The following SLC38A7 variants were observed in gnomAD, a reference collection of about 807,000 sequenced individuals.
The protein encoded by SLC38A7 is solute carrier family 38 member 7, also known as sodium-coupled neutral amino acid transporter 7.
SLC38A7 carries 29 observed loss-of-function variants against 50.1 expected under a neutral mutation model. The ratio of observed to expected loss-of-function variants is 0.58; its 90% confidence interval spans 0.43 to 0.79. The LOEUF (loss-of-function observed/expected upper bound fraction) is 0.79, where lower values mean the gene tolerates loss of function less well. SLC38A7 is among the 30% of genes least tolerant of loss of function. The pLI, the probability that SLC38A7 is intolerant of heterozygous loss-of-function variation, is 0.00. For missense variants in SLC38A7, 483 were observed against 610.6 expected (o/e 0.79, Z 2.20); for synonymous variants, 244 against 245.9 (o/e 0.99, Z 0.07).
At chr16:58,676,203 G>A in intron 7 of SLC38A7, 86 bp downstream of exon 7, 1 of 1,588,430 alleles carries the variant, frequency 6.3e-7, no homozygotes, top group African/African-American at 1.3e-5. Context: ...CCTCCATTCT[G>A]CCTGGGTTCC....
At chr16:58,675,434 G>A (rs1200775078) in intron 8 of SLC38A7, 5 of 365,102 alleles carry the variant, frequency 1.4e-5, no homozygotes, top group East Asian at 7.7e-5. Context: ...AGGATCACTC[G>A]ACCTCAGCAG....
At chr16:58,676,781 AGCT>A (rs2044276361) in intron 6 of SLC38A7, among the ~76,000 whole-genome samples, 2 of 151,970 alleles carry the variant, frequency 1.3e-5, no homozygotes, top group Non-Finnish European at 2.9e-5. Context: ...CCTCCCGAGT[AGCT>A]GCTACTACAG....
intron 8 of SLC38A7, chr16:58,675,187 A>C (rs940136405): frequency 1.6e-5 from 4 of 251,168 alleles, no homozygotes; most frequent in Non-Finnish European, 3.2e-5. Flanking sequence ...CCACTCCCAA[A>C]GCCACCCATC....
In SLC38A7 at chr16:58,678,599, G is replaced by C; in HGVS notation, c.469+97C>G. 1 of 1,566,158 alleles carries C rather than the reference G, an allele frequency of 6.4e-7. No individual in the cohort carries two copies. On this transcript the variant is annotated intron_variant, in intron 4 of 11. Coordinates refer to ENST00000219320, the MANE Select transcript of SLC38A7 (RefSeq NM_018231.3). The surrounding 1 kb of genome is among the most constrained non-coding windows in gnomAD (Gnocchi z 4.0). ...ATTCCCAGATGAATGCTGGGCCCAG[G>C]TAAGTCCTGGAGAGGTGTTCAGTGC...
Position 58,671,101 on chromosome 16 carries a change from C to T in SLC38A7, c.1175G>A (p.Gly392Asp). The T allele has an allele frequency of 6.2e-7, 1 of 1,613,672 alleles. No homozygotes were observed. Among genetic ancestry groups the T allele is most frequent in the Non-Finnish European group, 8.5e-7 (1 of 1,179,786 alleles). The change falls in exon 10 of 12, where the codon GGC (glycine) becomes GAC (aspartate). Residue 392 changes from glycine to aspartate, a missense_variant. Transcript: ENST00000219320. ...LLLALFIPDI[G>D]KVISVIGGLA... is the part of the protein sequence containing the mutation. ...GCCTCCAATGACTGAGATCACCTTG[C>T]CGATGTCAGGGATGAAGAGCGCCAG...
At position 58,667,362 on chromosome 16, in the gene SLC38A7, T is replaced by C; in HGVS notation, c.*23A>G. 4 of 1,612,420 alleles carry C rather than the reference T, an allele frequency of 2.5e-6. No homozygotes were observed. The highest frequency in any genetic ancestry group is 3.4e-6 in the Non-Finnish European group (4 of 1,178,566). On this transcript the variant is annotated 3_prime_UTR_variant, in exon 12 of 12. Transcript: ENST00000219320. ...GTTCCTGCGACCAATGGCAAAGGCCTTGTGTTCCCTGGGAGGCAGTGGTTA... is the reference window on the plus strand; with the variant it reads ...GTTCCTGCGACCAATGGCAAAGGCCCTGTGTTCCCTGGGAGGCAGTGGTTA...
At chr16:58,677,017 G>A (rs1597674359) in intron 6 of SLC38A7, among the ~76,000 whole-genome samples, 2 of 151,712 alleles carry the variant, frequency 1.3e-5, no homozygotes, top group East Asian at 3.9e-4. Flanking sequence ...ATAAGCAGAT[G>A]CTGGAAACAC....
chr16:58,674,486 C>T (rs56883699), intron 8 of SLC38A7, among the ~76,000 whole-genome samples: 19,179 of 151,720 alleles, frequency 0.13, 4,087 homozygotes, highest in African/African-American at 0.44. Flanking sequence ...CCATGTTGCC[C>T]AGCCTGTCTT....
chr16:58,681,025 T>C (rs1485408053), intron 2 of SLC38A7, among the ~76,000 whole-genome samples: 1 of 152,176 alleles, frequency 6.6e-6, no homozygotes, highest in African/African-American at 2.4e-5. Flanking sequence ...TACTCTCTCA[T>C]GTGCTAGCAT....
At chr16:58,676,777 G>A (rs1032266141) in intron 6 of SLC38A7, among the ~76,000 whole-genome samples, 4 of 151,888 alleles carry the variant, frequency 2.6e-5, no homozygotes, top group Non-Finnish European at 4.4e-5. Flanking sequence ...TCAGCCTCCC[G>A]AGTAGCTGCT....
chr16:58,667,540 C>T (rs1039968648), intron 11 of SLC38A7, 53 bp from the exon 12 acceptor site: 7 of 1,354,866 alleles, frequency 5.2e-6, no homozygotes, highest in Middle Eastern at 2.2e-4. Flanking sequence ...CCCATGACTG[C>T]AGACTTCAAT....
intron 8 of SLC38A7, chr16:58,675,115 G>A (rs566467083): frequency 9.8e-6 from 2 of 203,658 alleles, no homozygotes; most frequent in African/African-American, 2.4e-5. Flanking sequence ...TTCTTCCCCA[G>A]CTCCTCCTCT....
At chr16:58,680,532 T>C (rs969513008) in intron 2 of SLC38A7, among the ~76,000 whole-genome samples, 3 of 152,194 alleles carry the variant, frequency 2.0e-5, no homozygotes, top group Non-Finnish European at 4.4e-5. Flanking sequence ...AGGTGTGTCA[T>C]GGATATACTT....
chr16:58,667,306 C>T lies in SLC38A7; in HGVS notation c.*79G>A. The T allele has an allele frequency of 7.0e-7, 1 of 1,430,338 alleles. No homozygotes were observed. The highest frequency in any genetic ancestry group is 9.8e-7 in the Non-Finnish European group (1 of 1,017,262). 88.6% of individuals were successfully genotyped at this position (1,430,338 alleles called of 1,614,324 possible). On this transcript the variant is annotated 3_prime_UTR_variant, in exon 12 of 12. Coordinates refer to ENST00000219320, the MANE Select transcript of SLC38A7 (RefSeq NM_018231.3). ...TCCCACCAGTTGGAATGATCGTGGA[C>T]TAAGAATGGCCCCATAGCTCTAAGA...
Position 58,679,884 on chromosome 16 carries a change from G to A in SLC38A7, c.243C>T (p.Gly81=), listed in dbSNP as rs373479233. ...TCTGCAGTGCGATGCCTGCTGCCAC[G>A]CCCCCCGCAGTGCTGAAGGCTGCTG... ...NFPAAFSTAG[G]VAAGIALQMG... The change falls in exon 3 of 12, where the codon GGC becomes GGT. Residue 81 remains glycine, a synonymous_variant. Coordinates refer to ENST00000219320, the MANE Select transcript of SLC38A7 (RefSeq NM_018231.3). The A allele has an allele frequency of 1.2e-5, 19 of 1,613,578 alleles. 1 individual carries two copies. In the African/African-American group the frequency reaches 1.5e-4, roughly 12 times the overall value.
chr16:58,667,688 T>A (rs963163916), intron 11 of SLC38A7, among the ~76,000 whole-genome samples: 1 of 152,120 alleles, frequency 6.6e-6, no homozygotes, highest in Non-Finnish European at 1.5e-5. Context: ...GACCAAGATC[T>A]AATGGGAGTA....
At chr16:58,672,041 G>C (rs62065312) in intron 9 of SLC38A7, 55 bp downstream of exon 9, 302,837 of 1,495,016 alleles carry the variant, frequency 0.2, 33,461 homozygotes, top group African/African-American at 0.39. Context: ...AAAGGACCAT[G>C]TTGGAAGCGC....
chr16:58,674,318 C>T (rs528994159), intron 8 of SLC38A7, among the ~76,000 whole-genome samples: 1 of 152,170 alleles, frequency 6.6e-6, no homozygotes, highest in East Asian at 1.9e-4. Flanking sequence ...ACTCTGTTGC[C>T]CAGTTTGGAG....
Position 58,669,184 on chromosome 16 carries a change from C to T in SLC38A7, c.1286+929G>A, listed in dbSNP as rs187285989. ...AGGCTGGAGTGTAATGGTGTGATCT[C>T]GGCTCACTGCAACCTCCGCCTCCTG... On this transcript the variant is annotated intron_variant, in intron 11 of 11. Coordinates refer to ENST00000219320, the MANE Select transcript of SLC38A7 (RefSeq NM_018231.3). Among the ~76,000 whole-genome samples, 180 of 127,310 alleles carry T rather than the reference C, an allele frequency of 1.4e-3. 2 individuals are homozygous for T. Among genetic ancestry groups the T allele is most frequent in the African/African-American group, 5.0e-3 (169 of 34,028 alleles). The allele number at this position is 127,310 out of a possible 152,430, so 83.5% of individuals were successfully genotyped here. A position where few individuals can be genotyped will look rare whatever the true frequency, so the allele number is the denominator to read the frequency against.
Sources: gnomAD v4.1 joint callset for allele counts (sites outside exome capture counted in the v4.1 genomes callset) on GRCh38, gnomAD v4.1.1 for gene constraint, Gnocchi (gnomAD v3.1) non-coding constraint, MANE v1.5 for transcripts, NCBI Gene and HGNC (gene_info 2026-07-23, HGNC 2026-07-21) for gene names.